NR3C2: variants seen among roughly 807,000 people sequenced by gnomAD.
NR3C2 encodes the protein mineralocorticoid receptor.
Under a neutral mutation model 86.4 loss-of-function variants are expected in NR3C2, and 15 were observed. The observed-to-expected ratio is 0.17, with a 90% CI of 0.12 to 0.27. The LOEUF (loss-of-function observed/expected upper bound fraction) is 0.27. Among genes scored for constraint, NR3C2 ranks in the 10% least tolerant of loss-of-function variants. The pLI, the probability that NR3C2 is intolerant of heterozygous loss-of-function variation, is 1.00. For missense variants in NR3C2, 960 were observed against 1,195.6 expected, an observed-to-expected ratio of 0.80 and a Z score of 2.91; for synonymous variants, 458 against 450.5, an observed-to-expected ratio of 1.02 and a Z score of -0.21.
At position 148,358,413 on chromosome 4, in the gene NR3C2, T is replaced by C. The variant is rs538395889; in HGVS notation, c.1757+76691A>G. On this transcript the variant is annotated intron_variant, in intron 2 of 8. Coordinates refer to ENST00000358102, the MANE Select transcript of NR3C2 (RefSeq NM_000901.5). ...GCATATTCTCACTCATAGGTGGGAA[T>C]TGAACAATGAGATCACATGGACACA... Among the ~76,000 whole-genome samples the C allele has an allele frequency of 3.3e-3, 466 of 140,246 alleles. 2 individuals are homozygous for C. Among genetic ancestry groups the C allele is most frequent in the African/African-American group, 0.012 (436 of 37,558 alleles). The allele number at this position is 140,246 out of a possible 152,430, so 92.0% of individuals were successfully genotyped here.
chr4:148,219,696 G>T (rs1035198882), intron 3 of NR3C2, among the ~76,000 whole-genome samples: 4 of 152,006 alleles, frequency 2.6e-5, no homozygotes, highest in African/African-American at 9.7e-5. Flanking sequence ...GAAGAATCCA[G>T]ATGTCTTCTA....
rs762622927 is a variant in NR3C2 at position 148,178,381 on chromosome 4, G to A, written c.2014+16365C>T. On this transcript the variant is annotated intron_variant, in intron 4 of 8. Coordinates refer to ENST00000358102, the MANE Select transcript of NR3C2 (RefSeq NM_000901.5). ...CCAAGAAGCATGAAGCTAATATTTCGCTTTGATAATCTGCTTATTGAAAAC... is the reference window on the plus strand; with the variant it reads ...CCAAGAAGCATGAAGCTAATATTTCACTTTGATAATCTGCTTATTGAAAAC... 3.3e-5 allele frequency among the ~76,000 whole-genome samples: 5 copies of A among 151,604 alleles called. 1 individual carries two copies. The highest frequency in any genetic ancestry group is 2.1e-4 in the South Asian group (1 of 4,742).
At chr4:148,326,387 C>T (rs1269019253) in intron 2 of NR3C2, among the ~76,000 whole-genome samples, 8 of 151,424 alleles carry the variant, frequency 5.3e-5, no homozygotes, top group South Asian at 2.1e-4. Flanking sequence ...GACGACAGAG[C>T]GAGACTCCAT....
chr4:148,243,732 G>A (rs888699930), intron 3 of NR3C2, among the ~76,000 whole-genome samples: 26 of 152,168 alleles, frequency 1.7e-4, no homozygotes, highest in Non-Finnish European at 2.9e-5. Context: ...AATATACAAT[G>A]ACACATTCAT....
At chr4:148,119,036 C>T (rs1240817669) in intron 7 of NR3C2, among the ~76,000 whole-genome samples, 1 of 152,146 alleles carries the variant, frequency 6.6e-6, no homozygotes, top group Non-Finnish European at 1.5e-5. Context: ...TAAAGCCATA[C>T]AATACAGCTT....
chr4:148,350,797 G>A (rs1373827300), intron 2 of NR3C2, among the ~76,000 whole-genome samples: 2 of 152,048 alleles, frequency 1.3e-5, no homozygotes, highest in Non-Finnish European at 2.9e-5. Flanking sequence ...CAAGAAACAA[G>A]TTTTATTGTT....
chr4:148,170,312 A>G (rs1413572434), intron 4 of NR3C2, among the ~76,000 whole-genome samples: 1 of 152,234 alleles, frequency 6.6e-6, no homozygotes, highest in African/African-American at 2.4e-5. Flanking sequence ...AGATCATGAA[A>G]TATCTTGGGT....
chr4:148,321,090 T>C (rs1464490404), intron 2 of NR3C2, among the ~76,000 whole-genome samples: 1 of 150,990 alleles, frequency 6.6e-6, no homozygotes, highest in Admixed American at 6.7e-5. Context: ...TTTGTTCTCA[T>C]TGGTTTCAAA....
intron 2 of NR3C2, among the ~76,000 whole-genome samples, chr4:148,396,706 T>C (rs1747878301): frequency 2.0e-5 from 3 of 152,150 alleles, no homozygotes; most frequent in Admixed American, 2.0e-4. Context: ...CATTTAAAAA[T>C]CACACAACAG....
chr4:148,364,844 A>G (rs1746030445), intron 2 of NR3C2, among the ~76,000 whole-genome samples: 1 of 151,396 alleles, frequency 6.6e-6, no homozygotes, highest in African/African-American at 2.4e-5. Flanking sequence ...ATACTGGCAC[A>G]AACATAATGA....
chr4:148,255,835 A>C (rs1267523933), intron 3 of NR3C2, among the ~76,000 whole-genome samples: 2 of 152,254 alleles, frequency 1.3e-5, no homozygotes, highest in Non-Finnish European at 2.9e-5. Context: ...AATTCAGACA[A>C]AAATGAGAAA....
chr4:148,229,261 C>T (rs1738340586), intron 3 of NR3C2, among the ~76,000 whole-genome samples: 1 of 152,090 alleles, frequency 6.6e-6, no homozygotes. Context: ...AGAAGCCTGG[C>T]CTCTTCAGCT....
intron 4 of NR3C2, among the ~76,000 whole-genome samples, chr4:148,155,903 C>T (rs1027175577): frequency 1.3e-5 from 2 of 152,008 alleles, no homozygotes; most frequent in Non-Finnish European, 2.9e-5. Flanking sequence ...GGTACTGGTA[C>T]CAAAACAGAG....
chr4:148,371,811 G>T (rs1746435504), intron 2 of NR3C2, among the ~76,000 whole-genome samples: 1 of 152,122 alleles, frequency 6.6e-6, no homozygotes, highest in Non-Finnish European at 1.5e-5. Context: ...ATTACACACA[G>T]TTGTTGCTTA....
chr4:148,389,788 T>A (rs368592769), intron 2 of NR3C2, among the ~76,000 whole-genome samples: 1 of 152,088 alleles, frequency 6.6e-6, no homozygotes, highest in African/African-American at 2.4e-5. Flanking sequence ...TTTAAATTCA[T>A]AAAAGGCATT....
intron 3 of NR3C2, among the ~76,000 whole-genome samples, chr4:148,238,212 C>T (rs1738840253): frequency 6.6e-6 from 1 of 152,168 alleles, no homozygotes; most frequent in Non-Finnish European, 1.5e-5. Flanking sequence ...TCAAATTTAT[C>T]TATGGTATTT....
intron 2 of NR3C2, among the ~76,000 whole-genome samples, chr4:148,399,679 TACAG>T (rs1259934548): frequency 1.0e-5 from 1 of 98,592 alleles, no homozygotes; most frequent in Non-Finnish European, 2.2e-5. Context: ...TTTCTATATA[TACAG>T]ACACACACAC....
chr4:148,159,433 A>C (rs1734555515), intron 4 of NR3C2, among the ~76,000 whole-genome samples: 1 of 152,168 alleles, frequency 6.6e-6, no homozygotes, highest in South Asian at 2.1e-4. Flanking sequence ...AAATAAGCTA[A>C]ATGTATTTGG....
Position 148,116,205 on chromosome 4 carries a change from A to C in NR3C2, c.2642-1944T>G, listed in dbSNP as rs184662223. On this transcript the variant is annotated intron_variant, in intron 7 of 8. Transcript: ENST00000358102. Reference sequence around the variant, plus strand: ...ATTTCAATACCATTTGGTACATCTAAGATTAACCAAATTTATATTTCTGAT... The same window carrying C: ...ATTTCAATACCATTTGGTACATCTACGATTAACCAAATTTATATTTCTGAT... 9.5e-4 allele frequency among the ~76,000 whole-genome samples: 144 copies of C among 152,332 alleles called. 1 individual carries two copies. The highest frequency in any genetic ancestry group is 1.5e-3 in the Admixed American group (23 of 15,304).
Sources: gnomAD v4.1 joint callset for allele counts (sites outside exome capture counted in the v4.1 genomes callset) on GRCh38, gnomAD v4.1.1 for gene constraint, MANE v1.5 for transcripts, NCBI Gene and HGNC (gene_info 2026-07-23, HGNC 2026-07-21) for gene names.